The following KIF21A variants were observed in gnomAD, a reference collection of about 807,000 sequenced individuals.
KIF21A encodes the protein kinesin-like protein KIF21A.
A neutral mutation model predicts 202.9 loss-of-function variants in KIF21A; 114 were observed. The observed-to-expected ratio is 0.56, with a 90% CI of 0.48 to 0.66. The LOEUF is 0.66. KIF21A is among the 30% of genes least tolerant of loss of function. KIF21A has a pLI of 0.00. For missense variants in KIF21A, 1,677 were observed against 1,994.9 expected, an observed-to-expected ratio of 0.84 and a Z score of 3.04; for synonymous variants, 667 against 670.8, an observed-to-expected ratio of 0.99 and a Z score of 0.09.
intron 34 of KIF21A, 149 bp from the exon 35 acceptor site, chr12:39,305,087 C>T (rs1306642185): frequency 1.4e-5 from 8 of 576,342 alleles, no homozygotes; most frequent in African/African-American, 1.1e-4. Context: ...GATCTTGGGC[C>T]GGGTGCAGCG....
At chr12:39,430,233 A>G (rs1937672596) in intron 1 of KIF21A, among the ~76,000 whole-genome samples, 1 of 151,912 alleles carries the variant, frequency 6.6e-6, no homozygotes, top group African/African-American at 2.4e-5. Context: ...TAAATAAATA[A>G]AGTCCATGCT....
intron 1 of KIF21A, among the ~76,000 whole-genome samples, chr12:39,439,091 A>T (rs1391105018): frequency 6.6e-6 from 1 of 152,158 alleles, no homozygotes; most frequent in Non-Finnish European, 1.5e-5. Flanking sequence ...GAGGAAAAAA[A>T]GTGTTGCTGT....
chr12:39,315,153 T>C, intron 31 of KIF21A, 76 bp downstream of exon 31: 1 of 1,380,064 alleles, frequency 7.2e-7, no homozygotes, highest in East Asian at 2.3e-5. Flanking sequence ...TAAACACTTA[T>C]TTTTGTTCCA....
Position 39,293,973 on chromosome 12 carries a change from T to C in KIF21A, c.*451A>G, listed in dbSNP as rs183559712. 4.7e-4 allele frequency: 81 copies of C among 172,468 alleles called. No individual in the cohort carries two copies. Among genetic ancestry groups the C allele is most frequent in the Admixed American group, 3.0e-3 (52 of 17,256 alleles). 10.7% of individuals were successfully genotyped at this position (172,468 alleles called of 1,614,324 possible). A position where few individuals can be genotyped will look rare whatever the true frequency, so the allele number is the denominator to read the frequency against. On this transcript the variant is annotated 3_prime_UTR_variant, in exon 38 of 38. Transcript: ENST00000361418. Reference sequence around the variant, plus strand: ...GGAATCCACTACAGACTGATATAAATACCTGACAAGCAAACCACAATTTGA... The same window carrying C: ...GGAATCCACTACAGACTGATATAAACACCTGACAAGCAAACCACAATTTGA...
intron 34 of KIF21A, among the ~76,000 whole-genome samples, chr12:39,307,363 G>A (rs150937277): frequency 2.0e-5 from 3 of 151,782 alleles, no homozygotes; most frequent in East Asian, 1.9e-4. Flanking sequence ...CCCCAGCAAC[G>A]GAGATTAAAA....
chr12:39,339,147 T>C lies in KIF21A; in HGVS notation c.2310+1018A>G, dbSNP rs556652940. Among the ~76,000 whole-genome samples, 4 of 150,660 alleles carry C rather than the reference T, an allele frequency of 2.7e-5. No individual in the cohort carries two copies. In the East Asian group the frequency reaches 7.9e-4, roughly 30 times the overall value. ...TACAAAAATTAGCTGGGCATGGTGG[T>C]GTGCACCTATAGTCCCAGCTACTGG... On this transcript the variant is annotated intron_variant, in intron 16 of 37. Transcript: ENST00000361418.
intron 24 of KIF21A, 79 bp downstream of exon 24, chr12:39,330,163 A>T: frequency 1.5e-6 from 2 of 1,345,846 alleles, no homozygotes; most frequent in Non-Finnish European, 2.1e-6. Context: ...CTTTAAAATA[A>T]GATGTACCAC....
Position 39,340,917 on chromosome 12 carries a change from A to G in KIF21A, c.2099T>C (p.Leu700Pro). The change falls in exon 15 of 38, where the codon CTT (leucine) becomes CCT (proline). Residue 700 changes from leucine to proline, a missense_variant. Around this residue, in one of 3 missense-constraint regions of KIF21A, gnomAD observed 966 missense variants for 1,180.9 expected, o/e 0.82. Coordinates refer to ENST00000361418, the MANE Select transcript of KIF21A (RefSeq NM_001173464.2). ...RDTQLERDQV[L>P]QNLGSVESYS... ...AATATAATTCTTACCTAAGTTTTGAAGCACCTGGTCTCTTTCAAGCTGAGT... is the reference window on the plus strand; with the variant it reads ...AATATAATTCTTACCTAAGTTTTGAGGCACCTGGTCTCTTTCAAGCTGAGT... The G allele has an allele frequency of 6.2e-7, 1 of 1,608,458 alleles. No individual in the cohort carries two copies. Among genetic ancestry groups the G allele is most frequent in the Non-Finnish European group, 8.5e-7 (1 of 1,175,344 alleles).
At chr12:39,392,487 A>T (rs1282628171) in intron 1 of KIF21A, among the ~76,000 whole-genome samples, 1 of 152,090 alleles carries the variant, frequency 6.6e-6, no homozygotes, top group Non-Finnish European at 1.5e-5. Flanking sequence ...GAGCTTTCAC[A>T]AGAACATTTT....
intron 27 of KIF21A, chr12:39,321,343 A>T (rs1945230848): frequency 1.3e-5 from 2 of 152,226 alleles, no homozygotes; most frequent in Non-Finnish European, 2.9e-5. Context: ...AGACAAATAG[A>T]TTACCTGAAT....
intron 1 of KIF21A, among the ~76,000 whole-genome samples, chr12:39,397,859 T>G (rs565430488): frequency 6.6e-6 from 1 of 152,170 alleles, no homozygotes. Context: ...TCCAGAAACA[T>G]GTAAATAGCT....
intron 1 of KIF21A, among the ~76,000 whole-genome samples, chr12:39,423,874 C>T (rs892262282): frequency 5.3e-5 from 8 of 149,988 alleles, no homozygotes; most frequent in African/African-American, 1.5e-4. Flanking sequence ...GTCCTGGCTA[C>T]TCAAGAGGCT....
In KIF21A at chr12:39,343,284, C is replaced by T. The variant is rs1471813508; in HGVS notation, c.1713-1160G>A. 5.3e-5 allele frequency among the ~76,000 whole-genome samples: 8 copies of T among 151,880 alleles called. 1 individual carries two copies. The South Asian group carries it at 6.2e-4, about 12-fold the overall frequency. On this transcript the variant is annotated intron_variant, in intron 12 of 37. Transcript: ENST00000361418. ...CTGGGGCAGGAGAATCGCTTGAACC[C>T]GGGAGGTAGAGGTTGCAGTAAGGCA... is the stretch of plus-strand genomic sequence containing the variant.
At chr12:39,365,681 C>G (rs1949548909) in intron 6 of KIF21A, among the ~76,000 whole-genome samples, 1 of 152,172 alleles carries the variant, frequency 6.6e-6, no homozygotes, top group African/African-American at 2.4e-5. Context: ...TATCAAAAGG[C>G]TACTTTGAAG....
chr12:39,414,360 A>G (rs2140101005), intron 1 of KIF21A, among the ~76,000 whole-genome samples: 1 of 152,344 alleles, frequency 6.6e-6, no homozygotes, highest in South Asian at 2.1e-4. Context: ...TACTGTCTCT[A>G]ATACTTTATT....
At chr12:39,401,055 G>A (rs1592559639) in intron 1 of KIF21A, among the ~76,000 whole-genome samples, 1 of 152,100 alleles carries the variant, frequency 6.6e-6, no homozygotes, top group East Asian at 1.9e-4. Context: ...CCCCACGCTT[G>A]ACACTTGTAA....
chr12:39,436,448 A>ATATATATATATATATATATAT (rs1387332677), intron 1 of KIF21A, among the ~76,000 whole-genome samples: 15 of 95,754 alleles, frequency 1.6e-4, no homozygotes, highest in African/African-American at 6.6e-4. Flanking sequence ...ATATATATAT[A>ATATATATATATATATATATAT]TTTTTTTTTT....
Position 39,443,113 on chromosome 12 carries a change from G to A in KIF21A, c.-143C>T, listed in dbSNP as rs2140548112. On this transcript the variant is annotated 5_prime_UTR_variant, in exon 1 of 38. Coordinates refer to ENST00000361418, the MANE Select transcript of KIF21A (RefSeq NM_001173464.2). ...ACCTCCGCCGCGCTCCAGCCATGTT[G>A]GGCGACTGAATGGAAAGGTGGCGGC... 1.2e-6 allele frequency: 1 copy of A among 802,240 alleles called. No individual in the cohort carries two copies. Among genetic ancestry groups the A allele is most frequent in the Non-Finnish European group, 1.8e-6 (1 of 557,824 alleles). The allele number at this position is 802,240 out of a possible 1,614,324, so 49.7% of individuals were successfully genotyped here. A position where few individuals can be genotyped will look rare whatever the true frequency, so the allele number is the denominator to read the frequency against.
At chr12:39,433,205 C>A (rs963798313) in intron 1 of KIF21A, among the ~76,000 whole-genome samples, 7 of 146,654 alleles carry the variant, frequency 4.8e-5, no homozygotes, top group Non-Finnish European at 9.2e-5. Context: ...GATCATTAGA[C>A]AGGCTTACAA....
Sources: allele counts gnomAD v4.1 joint callset (sites outside exome capture counted in the v4.1 genomes callset), GRCh38; gene constraint gnomAD v4.1.1; regional missense constraint gnomAD v4.1.1; transcripts MANE v1.5; gene names NCBI Gene and HGNC (gene_info 2026-07-23, HGNC 2026-07-21).